Variants in PPIP5K2 observed in about 807,000 individuals in gnomAD.
PPIP5K2 encodes the protein inositol hexakisphosphate and diphosphoinositol-pentakisphosphate kinase 2.
Under a neutral mutation model 154.6 loss-of-function variants are expected in PPIP5K2, and 105 were observed. That is an observed-to-expected ratio of 0.68 (90% confidence interval 0.58 to 0.80). The LOEUF (loss-of-function observed/expected upper bound fraction) is 0.80, where lower values mean the gene tolerates loss of function less well. Among genes scored for constraint, PPIP5K2 ranks in the 30% least tolerant of loss-of-function variants. The pLI, the probability that PPIP5K2 is intolerant of heterozygous loss-of-function variation, is 0.00. For missense variants in PPIP5K2, 992 were observed against 1,504.6 expected (o/e 0.66, Z 5.64); for synonymous variants, 480 against 490.3 (o/e 0.98, Z 0.28).
chr5:103,162,385 C>A (rs1580269519), intron 17 of PPIP5K2, among the ~76,000 whole-genome samples: 2 of 147,370 alleles, frequency 1.4e-5, no homozygotes, highest in Admixed American at 6.9e-5. Flanking sequence ...TTTGTAGAGA[C>A]AATGTCTTGC....
At chr5:103,168,637 C>G (rs782741456) in intron 19 of PPIP5K2, among the ~76,000 whole-genome samples, 3 of 151,720 alleles carry the variant, frequency 2.0e-5, no homozygotes, top group African/African-American at 4.8e-5. Flanking sequence ...TTGTCCCCCA[C>G]AAGAATGGTG....
chr5:103,177,924 T>C lies in PPIP5K2; in HGVS notation c.2698T>C (p.Cys900Arg). The change falls in exon 23 of 31, where the codon TGT becomes CGT. Residue 900 changes from cysteine (C) to arginine (R), a missense_variant. Coordinates refer to ENST00000358359, the MANE Select transcript of PPIP5K2 (RefSeq NM_001276277.3). ...ACACTTTAGTCCGGGAGCCAAAGGT[T>C]GTGAAGAAGACAAAAATTTGCCATC... is the stretch of plus-strand genomic sequence containing the variant. ...ELHFSPGAKGCEEDKNLPSGY... is the reference protein window; with the variant it reads ...ELHFSPGAKGREEDKNLPSGY... 1 of 1,613,334 alleles carries C rather than the reference T, an allele frequency of 6.2e-7. No homozygotes were observed. The highest frequency in any genetic ancestry group is 8.5e-7 in the Non-Finnish European group (1 of 1,179,440).
At chr5:103,197,540 T>C (rs1802277408) in intron 30 of PPIP5K2, among the ~76,000 whole-genome samples, 1 of 151,644 alleles carries the variant, frequency 6.6e-6, no homozygotes, top group African/African-American at 2.4e-5. Flanking sequence ...GCTCTTTGTA[T>C]TTCTGTTGGT....
intron 1 of PPIP5K2, among the ~76,000 whole-genome samples, chr5:103,126,229 A>C (rs551027399): frequency 6.6e-6 from 1 of 152,322 alleles, no homozygotes; most frequent in South Asian, 2.1e-4. Flanking sequence ...CCCTCACCAA[A>C]TGAATGAATG....
intron 25 of PPIP5K2, 39 bp downstream of exon 25, chr5:103,183,446 G>A (rs782531290): frequency 6.5e-7 from 1 of 1,529,472 alleles, no homozygotes; most frequent in South Asian, 1.2e-5. Flanking sequence ...TTTCCTCCCT[G>A]CATTCAGAGC....
chr5:103,152,355 A>G (rs531454715), intron 9 of PPIP5K2, among the ~76,000 whole-genome samples: 1 of 152,096 alleles, frequency 6.6e-6, no homozygotes, highest in Admixed American at 6.5e-5. Flanking sequence ...TTCAGAATGT[A>G]TGTAGTTAGA....
At chr5:103,166,203 C>A (rs1169098790) in intron 17 of PPIP5K2, among the ~76,000 whole-genome samples, 1 of 152,048 alleles carries the variant, frequency 6.6e-6, no homozygotes, top group Non-Finnish European at 1.5e-5. Context: ...ATTTTGCTTG[C>A]TGACTTTCTG....
chr5:103,169,801 G>A (rs899143111), intron 19 of PPIP5K2, among the ~76,000 whole-genome samples: 1 of 151,592 alleles, frequency 6.6e-6, no homozygotes, highest in African/African-American at 2.4e-5. Context: ...TAAAAGACAA[G>A]TTTTATTTTG....
At chr5:103,148,077 C>A in intron 7 of PPIP5K2, 45 bp downstream of exon 7, 1 of 1,298,888 alleles carries the variant, frequency 7.7e-7, no homozygotes, top group Non-Finnish European at 1.1e-6. Context: ...TTCAAGTTTA[C>A]CAATGATATC....
chr5:103,182,175 A>G (rs1178049556), intron 24 of PPIP5K2, among the ~76,000 whole-genome samples: 1 of 152,120 alleles, frequency 6.6e-6, no homozygotes, highest in Non-Finnish European at 1.5e-5. Flanking sequence ...ATAGTTCATC[A>G]AATTATTCAG....
chr5:103,182,694 G>A (rs1486247161), intron 24 of PPIP5K2, among the ~76,000 whole-genome samples: 1 of 152,134 alleles, frequency 6.6e-6, no homozygotes, highest in Non-Finnish European at 1.5e-5. Context: ...TGCAATTTGA[G>A]TCCATCTTAT....
intron 25 of PPIP5K2, among the ~76,000 whole-genome samples, chr5:103,183,867 G>C (rs539763680): frequency 6.6e-6 from 1 of 152,074 alleles, no homozygotes; most frequent in African/African-American, 2.4e-5. Flanking sequence ...CAGAATTTAT[G>C]TGGCCCAGTT....
chr5:103,184,970 G>A (rs535164848), intron 26 of PPIP5K2, among the ~76,000 whole-genome samples: 3 of 152,258 alleles, frequency 2.0e-5, no homozygotes, highest in Admixed American at 2.0e-4. Flanking sequence ...TGCCTGCAAT[G>A]ATAACCACTT....
At position 103,203,932 on chromosome 5, in the gene PPIP5K2, A is replaced by T. The variant is rs1273835377; in HGVS notation, c.*2298A>T. The T allele has an allele frequency of 1.3e-5, 2 of 152,192 alleles. No homozygotes were observed. Among genetic ancestry groups the T allele is most frequent in the Non-Finnish European group, 2.9e-5 (2 of 68,022 alleles). 9.4% of individuals were successfully genotyped at this position (152,192 alleles called of 1,614,324 possible). ...TGAACACCTTATGTCAGTGATAGACAAGATATAGAGGCTGAAGGGAATACA... is the reference window on the plus strand; with the variant it reads ...TGAACACCTTATGTCAGTGATAGACTAGATATAGAGGCTGAAGGGAATACA... On this transcript the variant is annotated 3_prime_UTR_variant, in exon 31 of 31. Coordinates refer to ENST00000358359, the MANE Select transcript of PPIP5K2 (RefSeq NM_001276277.3).
chr5:103,168,569 C>G (rs1056228058), intron 19 of PPIP5K2, among the ~76,000 whole-genome samples: 1 of 151,678 alleles, frequency 6.6e-6, no homozygotes, highest in African/African-American at 2.4e-5. Context: ...ACAGAAGGTA[C>G]AAAGATTTCC....
intron 16 of PPIP5K2, 145 bp downstream of exon 16, chr5:103,158,718 T>C: frequency 1.6e-6 from 1 of 620,086 alleles, no homozygotes; most frequent in East Asian, 3.0e-5. Flanking sequence ...GCCCAGGAGT[T>C]TGAGACAAGC....
At chr5:103,137,893 T>G (rs1424883059) in intron 4 of PPIP5K2, among the ~76,000 whole-genome samples, 1 of 148,956 alleles carries the variant, frequency 6.7e-6, no homozygotes, top group South Asian at 2.1e-4. Flanking sequence ...AGTAAAAGCG[T>G]ACCGAAAGCC....
chr5:103,173,454 A>G (rs1419841741), intron 20 of PPIP5K2, among the ~76,000 whole-genome samples, 172 bp downstream of exon 20: 2 of 151,972 alleles, frequency 1.3e-5, no homozygotes, highest in Non-Finnish European at 2.9e-5. Flanking sequence ...TTTTGGCTCC[A>G]CTTTAGAGAA....
chr5:103,132,503 G>T (rs782042618), intron 2 of PPIP5K2, among the ~76,000 whole-genome samples: 1 of 151,808 alleles, frequency 6.6e-6, no homozygotes, highest in East Asian at 1.9e-4. Context: ...CTGAGATTGC[G>T]CCACTGCACT....
Sources: gnomAD v4.1 joint callset for allele counts (sites outside exome capture counted in the v4.1 genomes callset) on GRCh38, gnomAD v4.1.1 for gene constraint, MANE v1.5 for transcripts, NCBI Gene and HGNC (gene_info 2026-07-23, HGNC 2026-07-21) for gene names.